Variants in NCAM1 observed in about 807,000 individuals in gnomAD.
NCAM1 encodes neural cell adhesion molecule 1.
Under a neutral mutation model 109.8 loss-of-function variants are expected in NCAM1, and 14 were observed. That is an observed-to-expected ratio of 0.13 (90% CI 0.08 to 0.20). The LOEUF (loss-of-function observed/expected upper bound fraction) is 0.20. Ranked by LOEUF, NCAM1 falls within the 10% of genes least tolerant of loss-of-function variation. The probability of loss-of-function intolerance (pLI) is 1.00; values close to 1 mark genes in which losing one functional copy is unlikely to be tolerated. For missense variants in NCAM1, 774 were observed against 1,109.9 expected, an observed-to-expected ratio of 0.70 and a Z score of 4.30; for synonymous variants, 418 against 442.9, an observed-to-expected ratio of 0.94 and a Z score of 0.70.
At chr11:113,113,464 G>A in intron 1 of NCAM1, among the ~76,000 whole-genome samples, 1 of 152,078 alleles carries the variant, frequency 6.6e-6, no homozygotes, top group East Asian at 1.9e-4. Context: ...TTTCCTGTTT[G>A]CTATGATCCT....
intron 1 of NCAM1, among the ~76,000 whole-genome samples, chr11:113,127,118 A>G (rs1941210719): frequency 6.6e-6 from 1 of 152,316 alleles, no homozygotes; most frequent in East Asian, 1.9e-4. Flanking sequence ...CCTCTTATGT[A>G]TTAGAATTGT....
chr11:113,153,254 G>A (rs1310055668), intron 1 of NCAM1, among the ~76,000 whole-genome samples: 2 of 152,122 alleles, frequency 1.3e-5, no homozygotes, highest in Admixed American at 6.5e-5. Flanking sequence ...TGTTGGCCAG[G>A]CTGGTCTCAG....
chr11:113,259,700 C>CTTTTTT (rs61638375), intron 16 of NCAM1, among the ~76,000 whole-genome samples: 1 of 113,472 alleles, frequency 8.8e-6, no homozygotes, highest in Non-Finnish European at 1.8e-5. Context: ...CCCATCATTG[C>CTTTTTT]TTTTTTTTTT....
chr11:112,989,539 T>C (rs1413439181), intron 1 of NCAM1, among the ~76,000 whole-genome samples: 2 of 152,174 alleles, frequency 1.3e-5, no homozygotes, highest in Non-Finnish European at 2.9e-5. Flanking sequence ...TTTAGTTGTC[T>C]AATTGTATTG....
chr11:113,171,633 CAATAAATA>C lies in NCAM1; in HGVS notation c.53-30715_53-30708del, dbSNP rs58639337. ...TAGGCGACAGAGTGAGACTTTGTCT[CAATAAATA>C]AATAAATAAATAAATAAATAAATAA... On this transcript the variant is annotated intron_variant, in intron 1 of 19. Transcript: ENST00000316851. Among the ~76,000 whole-genome samples, 1,393 of 149,598 alleles carry C rather than the reference CAATAAATA, an allele frequency of 9.3e-3. 17 individuals carry two copies. The highest frequency in any genetic ancestry group is 0.031 in the African/African-American group (1,260 of 40,634).
intron 14 of NCAM1, among the ~76,000 whole-genome samples, chr11:113,242,068 C>T (rs1305357020): frequency 6.6e-6 from 1 of 152,206 alleles, no homozygotes; most frequent in Non-Finnish European, 1.5e-5. Context: ...GCTCCATAAC[C>T]TAGGATAAGT....
At chr11:113,212,589 T>C (rs571395628) in intron 7 of NCAM1, among the ~76,000 whole-genome samples, 24 of 152,292 alleles carry the variant, frequency 1.6e-4, no homozygotes, top group Admixed American at 4.6e-4. Context: ...CCTGGGATTG[T>C]CTCCAGACCT....
chr11:113,042,413 TCTC>T (rs1231112421), intron 1 of NCAM1, among the ~76,000 whole-genome samples: 1 of 152,172 alleles, frequency 6.6e-6, no homozygotes, highest in Non-Finnish European at 1.5e-5. Context: ...CCTTCCCTGT[TCTC>T]CTCTGGTTTG....
chr11:113,191,732 T>C (rs1248855616), intron 1 of NCAM1, among the ~76,000 whole-genome samples: 1 of 150,530 alleles, frequency 6.6e-6, no homozygotes, highest in African/African-American at 2.4e-5. Context: ...CATACATAGA[T>C]ATACACACAT....
chr11:112,995,682 G>C (rs2134893448), intron 1 of NCAM1, among the ~76,000 whole-genome samples: 1 of 152,294 alleles, frequency 6.6e-6, no homozygotes, highest in South Asian at 2.1e-4. Flanking sequence ...ACTGTAGCTA[G>C]CAATAGCAAA....
At chr11:113,147,424 G>A (rs2136239361) in intron 1 of NCAM1, among the ~76,000 whole-genome samples, 1 of 152,342 alleles carries the variant, frequency 6.6e-6, no homozygotes, top group East Asian at 1.9e-4. Context: ...GAGGACAGAA[G>A]CCCATTGTCA....
intron 1 of NCAM1, among the ~76,000 whole-genome samples, chr11:113,068,152 C>A (rs1431851187): frequency 6.6e-6 from 1 of 152,128 alleles, no homozygotes; most frequent in Non-Finnish European, 1.5e-5. Flanking sequence ...ACCTCGTGAT[C>A]CACCCGCCTT....
intron 1 of NCAM1, among the ~76,000 whole-genome samples, chr11:113,006,019 C>A (rs1565377575): frequency 6.6e-6 from 1 of 152,154 alleles, no homozygotes; most frequent in Non-Finnish European, 1.5e-5. Flanking sequence ...CAGCTTTGAG[C>A]ACTCTTCTTA....
chr11:113,201,112 G>T (rs1944042237), intron 1 of NCAM1, among the ~76,000 whole-genome samples: 1 of 151,970 alleles, frequency 6.6e-6, no homozygotes. Context: ...TGAAGCCTCT[G>T]CTGGCTTTCT....
At chr11:113,243,593 G>T (rs1555119535) in intron 14 of NCAM1, 1 of 518,678 alleles carries the variant, frequency 1.9e-6, no homozygotes, top group East Asian at 5.5e-5. Context: ...GTTCCAAGCT[G>T]GTCTTCATAA....
At chr11:113,138,239 A>G (rs1170102480) in intron 1 of NCAM1, among the ~76,000 whole-genome samples, 1 of 152,226 alleles carries the variant, frequency 6.6e-6, no homozygotes, top group Non-Finnish European at 1.5e-5. Context: ...AGGTTTTTCC[A>G]TGGATGGGGA....
intron 14 of NCAM1, chr11:113,236,249 G>C: frequency 6.3e-7 from 1 of 1,595,422 alleles, no homozygotes; most frequent in Non-Finnish European, 8.6e-7. Context: ...TTTTTCTTGG[G>C]TCTGTCTCTT....
intron 1 of NCAM1, among the ~76,000 whole-genome samples, chr11:112,987,543 T>C (rs896852719): frequency 5.3e-5 from 8 of 152,188 alleles, no homozygotes; most frequent in Non-Finnish European, 8.8e-5. Context: ...GATCTATTAA[T>C]ATTTGCTTTA....
chr11:113,277,138 CAG>C lies in NCAM1; in HGVS notation c.*1752_*1753del. The C allele has an allele frequency of 2.5e-6, 1 of 392,460 alleles. No individual in the cohort carries two copies. Among genetic ancestry groups the C allele is most frequent in the Non-Finnish European group, 4.5e-6 (1 of 222,596 alleles). The allele number at this position is 392,460 out of a possible 1,614,324, so 24.3% of individuals were successfully genotyped here. A position where few individuals can be genotyped will look rare whatever the true frequency, so the allele number is the denominator to read the frequency against. ...AAGATGATGCTAAGTAAACAGAAAT[CAG>C]TACTCCGCATGCGCTCCTCTCCTAA... On this transcript the variant is annotated 3_prime_UTR_variant, in exon 20 of 20. Coordinates refer to ENST00000316851, the MANE Select transcript of NCAM1 (RefSeq NM_181351.5).
Sources: allele counts gnomAD v4.1 joint callset (sites outside exome capture counted in the v4.1 genomes callset), GRCh38; gene constraint gnomAD v4.1.1; transcripts MANE v1.5; gene names NCBI Gene and HGNC (gene_info 2026-07-23, HGNC 2026-07-21).